Variants in CELF4 observed in about 807,000 individuals in gnomAD.
CELF4 encodes CUG-BP- and ETR-3-like factor 4.
CELF4 carries 18 observed loss-of-function variants against 59.9 expected under a neutral mutation model. The ratio of observed to expected loss-of-function variants is 0.30; its 90% CI spans 0.21 to 0.45. The LOEUF (loss-of-function observed/expected upper bound fraction) is 0.45. Ranked by LOEUF, CELF4 falls within the 20% of genes least tolerant of loss-of-function variation. CELF4 has a pLI of 1.00. For synonymous variants in CELF4, 261 were observed against 267.1 expected, an observed-to-expected ratio of 0.98 and a Z score of 0.22; for missense variants, 456 against 689.0, an observed-to-expected ratio of 0.66 and a Z score of 3.79.
chr18:37,319,503 G>A (rs2154518111), intron 3 of CELF4, among the ~76,000 whole-genome samples: 1 of 152,338 alleles, frequency 6.6e-6, no homozygotes, highest in African/African-American at 2.4e-5. Flanking sequence ...GTTGGGAGGG[G>A]GCCTGAGTCC....
At chr18:37,457,357 C>A (rs1472939365) in intron 2 of CELF4, among the ~76,000 whole-genome samples, 1 of 152,140 alleles carries the variant, frequency 6.6e-6, no homozygotes, top group Non-Finnish European at 1.5e-5. Flanking sequence ...CTGAAAGCCC[C>A]CTCCAGACAC....
At chr18:37,439,763 G>T (rs1423473257) in intron 2 of CELF4, among the ~76,000 whole-genome samples, 2 of 152,200 alleles carry the variant, frequency 1.3e-5, no homozygotes, top group African/African-American at 4.8e-5. Context: ...AGTTTGTGTG[G>T]CTGGACAGCA....
intron 2 of CELF4, among the ~76,000 whole-genome samples, chr18:37,457,816 G>T (rs1015069907): frequency 6.6e-6 from 1 of 152,042 alleles, no homozygotes; most frequent in South Asian, 2.1e-4. Context: ...CCCCCAAGTT[G>T]TTTCCCTGTC....
intron 1 of CELF4, among the ~76,000 whole-genome samples, chr18:37,523,017 AT>A (rs1418471704): frequency 6.6e-6 from 1 of 152,110 alleles, no homozygotes; most frequent in Non-Finnish European, 1.5e-5. Context: ...TTCTGTGATC[AT>A]TTCGCAGTGG....
chr18:37,352,952 T>A (rs548487872), intron 2 of CELF4, among the ~76,000 whole-genome samples: 1 of 151,998 alleles, frequency 6.6e-6, no homozygotes, highest in Non-Finnish European at 1.5e-5. Context: ...CCGGGCGCGG[T>A]AGCTCACGCC....
chr18:37,251,661 T>C (rs927306410), intron 12 of CELF4, among the ~76,000 whole-genome samples: 3 of 152,188 alleles, frequency 2.0e-5, no homozygotes, highest in Non-Finnish European at 4.4e-5. Context: ...AGAGCTATGC[T>C]GATTTAAGAA....
chr18:37,275,510 G>A (rs2093012807), intron 3 of CELF4: 3 of 471,850 alleles, frequency 6.4e-6, no homozygotes, highest in South Asian at 2.1e-5. Context: ...GAGCTGGATC[G>A]CAGCGACTCG....
chr18:37,345,382 G>C (rs1313243528), intron 2 of CELF4, among the ~76,000 whole-genome samples: 1 of 152,194 alleles, frequency 6.6e-6, no homozygotes, highest in East Asian at 1.9e-4. Context: ...GCAGAACAGA[G>C]GGTAAGACCA....
At chr18:37,430,642 T>C (rs1348090202) in intron 2 of CELF4, among the ~76,000 whole-genome samples, 1 of 152,186 alleles carries the variant, frequency 6.6e-6, no homozygotes. Flanking sequence ...GCAGAAGCAG[T>C]GTGTGCATCT....
chr18:37,515,658 G>A (rs545705456), intron 1 of CELF4, among the ~76,000 whole-genome samples: 1 of 152,210 alleles, frequency 6.6e-6, no homozygotes, highest in Admixed American at 6.5e-5. Flanking sequence ...GGTATCAAGG[G>A]TGGCGGTGGA....
intron 3 of CELF4, among the ~76,000 whole-genome samples, chr18:37,308,408 C>T (rs555250703): frequency 6.6e-6 from 1 of 152,332 alleles, no homozygotes; most frequent in African/African-American, 2.4e-5. Flanking sequence ...CCCCCTGCAG[C>T]AGACACTGTC....
chr18:37,296,371 C>T (rs570711598), intron 3 of CELF4, among the ~76,000 whole-genome samples: 4 of 152,284 alleles, frequency 2.6e-5, no homozygotes, highest in African/African-American at 7.2e-5. Flanking sequence ...AATTTTTGTA[C>T]TTGTTGTAGA....
chr18:37,546,456 G>A (rs1603643868), intron 1 of CELF4, among the ~76,000 whole-genome samples: 1 of 152,122 alleles, frequency 6.6e-6, no homozygotes, highest in East Asian at 1.9e-4. Context: ...CCAGAATCCT[G>A]GTCAGACTCA....
intron 2 of CELF4, among the ~76,000 whole-genome samples, chr18:37,351,310 G>T (rs895344772): frequency 6.6e-6 from 1 of 152,194 alleles, no homozygotes; most frequent in Non-Finnish European, 1.5e-5. Flanking sequence ...CGCTGCTAAT[G>T]ATTATTATAT....
At chr18:37,287,493 G>A (rs2094910047) in intron 3 of CELF4, among the ~76,000 whole-genome samples, 1 of 152,226 alleles carries the variant, frequency 6.6e-6, no homozygotes. Flanking sequence ...CTCTAGGTCA[G>A]CACGCGGCTT....
chr18:37,359,348 TAG>T (rs2098662155), intron 2 of CELF4, among the ~76,000 whole-genome samples: 1 of 152,014 alleles, frequency 6.6e-6, no homozygotes, highest in South Asian at 2.1e-4. Context: ...GTTGCCTTTT[TAG>T]TTATTTATTT....
chr18:37,284,858 C>G (rs1040239345), intron 3 of CELF4, among the ~76,000 whole-genome samples: 4 of 152,210 alleles, frequency 2.6e-5, no homozygotes, highest in Admixed American at 6.5e-5. Flanking sequence ...AGTTAAATAT[C>G]TTTCCCAAGA....
chr18:37,302,029 G>A (rs545543327), intron 3 of CELF4, among the ~76,000 whole-genome samples: 1 of 152,152 alleles, frequency 6.6e-6, no homozygotes, highest in Non-Finnish European at 1.5e-5. Flanking sequence ...CCATCCAAAG[G>A]GTTGAACAGC....
At chr18:37,418,488 T>G (rs898610944) in intron 2 of CELF4, among the ~76,000 whole-genome samples, 1 of 152,184 alleles carries the variant, frequency 6.6e-6, no homozygotes, top group East Asian at 1.9e-4. Flanking sequence ...CCCTGCTGCC[T>G]CAACCTTTCA....
Sources: allele counts gnomAD v4.1 joint callset (sites outside exome capture counted in the v4.1 genomes callset), GRCh38; gene constraint gnomAD v4.1.1; transcripts MANE v1.5; gene names NCBI Gene and HGNC (gene_info 2026-07-23, HGNC 2026-07-21).